The following EPDR1 variants were observed in gnomAD, a reference collection of about 807,000 sequenced individuals.
EPDR1 encodes mammalian ependymin-related protein 1.
In EPDR1, 27 loss-of-function variants were observed where a neutral mutation model predicts 23.7. The observed-to-expected ratio is 1.14, with a 90% CI of 0.84 to 1.57. The LOEUF (loss-of-function observed/expected upper bound fraction) is 1.57, where lower values mean the gene tolerates loss of function less well. Ranked by LOEUF, EPDR1 falls within the 40% of genes most tolerant of loss-of-function variation. The pLI is 0.00. For synonymous variants in EPDR1, 137 were observed against 118.2 expected, an observed-to-expected ratio of 1.16 and a Z score of -1.03; for missense variants, 349 against 290.4, an observed-to-expected ratio of 1.20 and a Z score of -1.47.
intron 1 of EPDR1, among the ~76,000 whole-genome samples, chr7:37,934,628 C>T (rs1786013039): frequency 6.6e-6 from 1 of 152,116 alleles, no homozygotes; most frequent in African/African-American, 2.4e-5. Context: ...CCACCAACTA[C>T]AGATGGAAAA....
At chr7:37,943,516 C>T (rs749311786) in intron 1 of EPDR1, among the ~76,000 whole-genome samples, 6 of 152,198 alleles carry the variant, frequency 3.9e-5, no homozygotes, top group Admixed American at 6.5e-5. Flanking sequence ...TAAACACACA[C>T]GCCACTACAG....
chr7:37,931,293 C>A (rs1235091672), intron 1 of EPDR1, among the ~76,000 whole-genome samples: 2 of 152,094 alleles, frequency 1.3e-5, no homozygotes, highest in Non-Finnish European at 1.5e-5. Flanking sequence ...GCGGGTGGAT[C>A]ACCTGAGGTC....
chr7:37,948,930 G>C lies in EPDR1; in HGVS notation c.360G>C (p.Gln120His). The C allele has an allele frequency of 1.9e-6, 3 of 1,614,120 alleles. No individual in the cohort carries two copies. Among genetic ancestry groups the C allele is most frequent in the Non-Finnish European group, 2.5e-6 (3 of 1,180,024 alleles). The change falls in exon 2 of 3, where the codon CAG (glutamine) becomes CAC (histidine). Residue 120 changes from glutamine to histidine, a missense_variant. Gln to His is a conservative substitution (Grantham distance 24). Coordinates refer to ENST00000199448, the MANE Select transcript of EPDR1 (RefSeq NM_017549.5). ...AGTGCTCAAAGATGACCCTGACACA[G>C]CCCTGGGATCCTCTTGACATTCCTC... Reference protein sequence around the residue: ...TKQCSKMTLTQPWDPLDIPQN... With the variant: ...TKQCSKMTLTHPWDPLDIPQN...
At chr7:37,947,678 A>G (rs1034657501) in intron 1 of EPDR1, among the ~76,000 whole-genome samples, 2 of 152,156 alleles carry the variant, frequency 1.3e-5, no homozygotes, top group Non-Finnish European at 2.9e-5. Context: ...TTCTGAGGTC[A>G]TGGCTGCAAG....
intron 1 of EPDR1, among the ~76,000 whole-genome samples, chr7:37,944,641 C>A (rs753170576): frequency 2.6e-5 from 4 of 152,154 alleles, no homozygotes; most frequent in African/African-American, 9.7e-5. Context: ...AACCATCAGA[C>A]CTTGTGAGAC....
intron 1 of EPDR1, 100 bp from the exon 2 acceptor site, chr7:37,948,740 C>A: frequency 1.2e-6 from 1 of 865,794 alleles, no homozygotes; most frequent in Non-Finnish European, 1.8e-6. Context: ...TAATTTCTTT[C>A]TATTTTAAAA....
chr7:37,932,783 C>T (rs1785971298), intron 1 of EPDR1, among the ~76,000 whole-genome samples: 1 of 152,176 alleles, frequency 6.6e-6, no homozygotes, highest in African/African-American at 2.4e-5. Flanking sequence ...AAACAAAACT[C>T]AGCCTGCACT....
At position 37,951,845 on chromosome 7, in the gene EPDR1, A is replaced by T. The variant is rs1354765916; in HGVS notation, c.*1449A>T. 1 of 152,194 alleles carries T rather than the reference A, an allele frequency of 6.6e-6. No homozygotes were observed. The highest frequency in any genetic ancestry group is 2.4e-5 in the African/African-American group (1 of 41,458). The allele number at this position is 152,194 out of a possible 1,614,324, so 9.4% of individuals were successfully genotyped here. ...TAATTGCATTTTAAAGCATTCTTTG[A>T]TACTGTTGCTTTTGCAATAAATATG... On this transcript the variant is annotated 3_prime_UTR_variant, in exon 3 of 3. Transcript: ENST00000199448.
chr7:37,935,204 C>T (rs546523696), intron 1 of EPDR1, among the ~76,000 whole-genome samples: 1 of 152,136 alleles, frequency 6.6e-6, no homozygotes, highest in Non-Finnish European at 1.5e-5. Flanking sequence ...ATTTTCTCAA[C>T]CTCTATATTG....
intron 1 of EPDR1, among the ~76,000 whole-genome samples, chr7:37,946,064 T>G (rs566704183): frequency 1.3e-5 from 2 of 152,372 alleles, no homozygotes; most frequent in South Asian, 4.1e-4. Flanking sequence ...CTTGTTCCTT[T>G]TTATGGCTGC....
At chr7:37,928,462 C>A (rs978999895) in intron 1 of EPDR1, among the ~76,000 whole-genome samples, 2 of 152,034 alleles carry the variant, frequency 1.3e-5, no homozygotes, top group African/African-American at 4.8e-5. Context: ...CTATTTAAAG[C>A]AAATCTCATG....
chr7:37,924,112 A>T (rs967198581), intron 1 of EPDR1, among the ~76,000 whole-genome samples: 2 of 152,242 alleles, frequency 1.3e-5, no homozygotes, highest in Admixed American at 1.3e-4. Flanking sequence ...TGCTGGCATG[A>T]GGACCAGCAT....
At chr7:37,945,545 A>T (rs532249064) in intron 1 of EPDR1, among the ~76,000 whole-genome samples, 2 of 152,336 alleles carry the variant, frequency 1.3e-5, no homozygotes, top group Admixed American at 1.3e-4. Context: ...TGGTGGTCCC[A>T]TGAGATTACA....
Position 37,951,522 on chromosome 7 carries a change from G to A in EPDR1, c.*1126G>A, listed in dbSNP as rs1371304076. On this transcript the variant is annotated 3_prime_UTR_variant, in exon 3 of 3. Coordinates refer to ENST00000199448, the MANE Select transcript of EPDR1 (RefSeq NM_017549.5). ...CTCCTTGGGTACGGGTACCTTGTAT[G>A]TTTACTTTTATATCCCTAGCACAAA... 6.6e-6 allele frequency: 1 copy of A among 152,222 alleles called. No homozygotes were observed. Among genetic ancestry groups the A allele is most frequent in the African/African-American group, 2.4e-5 (1 of 41,448 alleles). The allele number at this position is 152,222 out of a possible 1,614,324, so 9.4% of individuals were successfully genotyped here. A position where few individuals can be genotyped will look rare whatever the true frequency, so the allele number is the denominator to read the frequency against.
At chr7:37,932,884 A>G (rs1439735991) in intron 1 of EPDR1, among the ~76,000 whole-genome samples, 3 of 152,176 alleles carry the variant, frequency 2.0e-5, no homozygotes, top group African/African-American at 4.8e-5. Flanking sequence ...ATATTTTGGG[A>G]AAAAAAGCTC....
intron 2 of EPDR1, 122 bp from the exon 3 acceptor site, chr7:37,950,078 C>A: frequency 1.4e-6 from 1 of 707,840 alleles, no homozygotes; most frequent in Non-Finnish European, 2.3e-6. Flanking sequence ...CTCAAGGCCA[C>A]CAAACACTTA....
intron 1 of EPDR1, among the ~76,000 whole-genome samples, chr7:37,938,616 C>T (rs1420717959): frequency 6.6e-6 from 1 of 152,224 alleles, no homozygotes; most frequent in East Asian, 1.9e-4. Flanking sequence ...ATCCAGCCTG[C>T]TTTTGCTTTA....
intron 1 of EPDR1, among the ~76,000 whole-genome samples, chr7:37,939,595 TGTTATAACAA>T (rs1786129892): frequency 6.6e-6 from 1 of 152,070 alleles, no homozygotes; most frequent in Non-Finnish European, 1.5e-5. Context: ...TGTTTAGGCA[TGTTATAACAA>T]GTTTTGTGAG....
chr7:37,943,164 C>T (rs571657336), intron 1 of EPDR1, among the ~76,000 whole-genome samples: 18 of 152,366 alleles, frequency 1.2e-4, no homozygotes, highest in African/African-American at 4.3e-4. Flanking sequence ...CGAAGTTTGT[C>T]TGCTGTTGTT....
Sources: gnomAD v4.1 joint callset for allele counts (sites outside exome capture counted in the v4.1 genomes callset) on GRCh38, gnomAD v4.1.1 for gene constraint, MANE v1.5 for transcripts, NCBI Gene and HGNC (gene_info 2026-07-23, HGNC 2026-07-21) for gene names.